The following TBC1D8 variants were observed in gnomAD, a reference collection of about 807,000 sequenced individuals.
The protein encoded by TBC1D8 is BUB2-like protein 1.
Under a neutral mutation model 118.8 loss-of-function variants are expected in TBC1D8, and 65 were observed. That is an observed-to-expected ratio of 0.55 (90% CI 0.45 to 0.67). The LOEUF is 0.67. TBC1D8 is among the 30% of genes least tolerant of loss of function. The pLI, the probability that TBC1D8 is intolerant of heterozygous loss-of-function variation, is 0.00. For synonymous variants in TBC1D8, 566 were observed against 595.8 expected (o/e 0.95, Z 0.73); for missense variants, 1,376 against 1,471.2 (o/e 0.94, Z 1.06).
intron 1 of TBC1D8, among the ~76,000 whole-genome samples, chr2:101,106,038 TA>T (rs201148565): frequency 5.9e-4 from 86 of 145,716 alleles, no homozygotes; most frequent in Admixed American, 1.2e-3. Flanking sequence ...TTCTGTGATT[TA>T]AAAAAAAAAA....
chr2:101,100,868 C>T (rs1023862928), intron 1 of TBC1D8, among the ~76,000 whole-genome samples: 5 of 152,176 alleles, frequency 3.3e-5, no homozygotes, highest in African/African-American at 1.2e-4. Context: ...CCCTTCCTTA[C>T]ACCTTATAGA....
intron 1 of TBC1D8, among the ~76,000 whole-genome samples, chr2:101,142,812 T>C (rs1343550528): frequency 1.3e-5 from 2 of 152,100 alleles, no homozygotes; most frequent in Non-Finnish European, 2.9e-5. Flanking sequence ...TAGTGGTGCC[T>C]GCAAGGAAGG....
At position 101,020,324 on chromosome 2, in the gene TBC1D8, AGATGAT is replaced by A. The variant is rs10553891; in HGVS notation, c.2827+1351_2827+1356del. Among the ~76,000 whole-genome samples, 484 of 151,862 alleles carry A rather than the reference AGATGAT, an allele frequency of 3.2e-3. 6 individuals are homozygous for A. The highest frequency in any genetic ancestry group is 0.011 in the African/African-American group (463 of 41,416). On this transcript the variant is annotated intron_variant, in intron 17 of 19. Coordinates refer to ENST00000409318, the MANE Select transcript of TBC1D8 (RefSeq NM_001330348.2). ...GATATAGATAATGACAACTATGGAAAGATGATGATGATGATGATGATATGATGAAGA... is the reference window on the plus strand; with the variant it reads ...GATATAGATAATGACAACTATGGAAAGATGATGATGATGATATGATGAAGA...
intron 2 of TBC1D8, among the ~76,000 whole-genome samples, chr2:101,071,164 T>C (rs6543011): frequency 0.78 from 117,756 of 151,750 alleles, 46,526 homozygotes; most frequent in Middle Eastern, 0.93. Context: ...ACGGTGAAAC[T>C]CCGTCTCTAC....
intron 1 of TBC1D8, among the ~76,000 whole-genome samples, chr2:101,093,908 G>A (rs62155199): frequency 0.15 from 22,882 of 152,002 alleles, 1,881 homozygotes; most frequent in Middle Eastern, 0.25. Context: ...TGTCAGTCAC[G>A]CTGGTCTTGA....
chr2:101,092,942 T>C (rs562958606), intron 1 of TBC1D8, among the ~76,000 whole-genome samples: 46 of 152,154 alleles, frequency 3.0e-4, no homozygotes, highest in Non-Finnish European at 5.9e-4. Context: ...GGGTTTGAAC[T>C]GTATGGGTCC....
chr2:101,097,525 T>C (rs1395149398), intron 1 of TBC1D8, among the ~76,000 whole-genome samples: 1 of 150,988 alleles, frequency 6.6e-6, no homozygotes, highest in Non-Finnish European at 1.5e-5. Context: ...GTCATAAAAA[T>C]GGCAGAGAAG....
intron 2 of TBC1D8, among the ~76,000 whole-genome samples, chr2:101,062,389 C>G (rs1485884415): frequency 6.6e-6 from 1 of 151,742 alleles, no homozygotes; most frequent in Admixed American, 6.6e-5. Context: ...TTCATGGACT[C>G]ATTGATCCAG....
In TBC1D8 at chr2:101,007,551, ACAG is replaced by A. The variant is rs1678819036; in HGVS notation, c.*267_*269del. On this transcript the variant is annotated 3_prime_UTR_variant, in exon 20 of 20. Transcript: ENST00000409318. The stretch of plus-strand genomic sequence containing the variant: ...TGAGAGCAAAATCAACACTAGCATC[ACAG>A]CAGAAGTGCCCATTTCAGCAAATCC... 2 of 432,408 alleles carry A rather than the reference ACAG, an allele frequency of 4.6e-6. No individual in the cohort carries two copies. The highest frequency in any genetic ancestry group is 8.3e-6 in the Non-Finnish European group (2 of 240,588). 26.8% of individuals were successfully genotyped at this position (432,408 alleles called of 1,614,324 possible).
At chr2:101,141,528 C>G (rs1160510241) in intron 1 of TBC1D8, among the ~76,000 whole-genome samples, 1 of 152,154 alleles carries the variant, frequency 6.6e-6, no homozygotes, top group Non-Finnish European at 1.5e-5. Context: ...ACTGACATCT[C>G]AGGATTTCCC....
chr2:101,082,804 G>T (rs1675351615), intron 2 of TBC1D8, among the ~76,000 whole-genome samples: 2 of 152,236 alleles, frequency 1.3e-5, no homozygotes, highest in Non-Finnish European at 2.9e-5. Flanking sequence ...TCTTTAACAG[G>T]TAGAGTTTCA....
At position 101,033,891 on chromosome 2, in the gene TBC1D8, C is replaced by T. The variant is rs867255646; in HGVS notation, c.1604-133G>A. ...TGAGGGACAAAATATTGGCCGGGTGCGGTGGCTCACGCCTGTAATCCCAGC... is the reference window on the plus strand; with the variant it reads ...TGAGGGACAAAATATTGGCCGGGTGTGGTGGCTCACGCCTGTAATCCCAGC... On this transcript the variant is annotated intron_variant, in intron 9 of 19. Transcript: ENST00000409318. The T allele has an allele frequency of 2.6e-5, 27 of 1,046,188 alleles. No individual in the cohort carries two copies. The Middle Eastern group carries it at 6.9e-4, about 27-fold the overall frequency. 64.8% of individuals were successfully genotyped at this position (1,046,188 alleles called of 1,614,324 possible). A position where few individuals can be genotyped will look rare whatever the true frequency, so the allele number is the denominator to read the frequency against.
At position 101,018,994 on chromosome 2, in the gene TBC1D8, C is replaced by T. The variant is rs547495886; in HGVS notation, c.2827+2687G>A. 1.9e-6 allele frequency: 3 copies of T among 1,611,948 alleles called. No homozygotes were observed. The South Asian group carries it at 3.3e-5, about 18-fold the overall frequency. On this transcript the variant is annotated intron_variant, in intron 17 of 19. Coordinates refer to ENST00000409318, the MANE Select transcript of TBC1D8 (RefSeq NM_001330348.2). ...CCAAATCATCTGTAATATTTCTGTG[C>T]TAGTTTCTGTGCTAAACAGTGTTAC...
intron 15 of TBC1D8, chr2:101,023,624 GTT>G: frequency 5.0e-6 from 2 of 399,672 alleles, no homozygotes; most frequent in Non-Finnish European, 1.0e-5. Context: ...TTTTTTTTAA[GTT>G]TTTTTTTTAA....
intron 15 of TBC1D8, among the ~76,000 whole-genome samples, chr2:101,024,653 C>A (rs939421346): frequency 6.6e-6 from 1 of 152,074 alleles, no homozygotes; most frequent in Admixed American, 6.6e-5. Flanking sequence ...GTGATCCACC[C>A]GCACTGGCCT....
intron 5 of TBC1D8, among the ~76,000 whole-genome samples, chr2:101,046,982 G>A (rs781333262): frequency 2.0e-5 from 3 of 152,120 alleles, no homozygotes; most frequent in South Asian, 2.1e-4. Context: ...AAAAACAGCC[G>A]AATACACTTT....
At chr2:101,094,508 T>C (rs557355029) in intron 1 of TBC1D8, among the ~76,000 whole-genome samples, 23 of 152,214 alleles carry the variant, frequency 1.5e-4, no homozygotes, top group Admixed American at 2.6e-4. Flanking sequence ...TTAAGAGATC[T>C]GCTGTAGAAC....
chr2:101,101,770 T>C (rs1394407210), intron 1 of TBC1D8, among the ~76,000 whole-genome samples: 1 of 152,116 alleles, frequency 6.6e-6, no homozygotes, highest in African/African-American at 2.4e-5. Flanking sequence ...CTGGAAGCCA[T>C]GATCCTCAGC....
At chr2:101,123,309 A>C (rs949359360) in intron 1 of TBC1D8, among the ~76,000 whole-genome samples, 3 of 152,068 alleles carry the variant, frequency 2.0e-5, no homozygotes, top group African/African-American at 7.2e-5. Context: ...GCTCCTTCCC[A>C]ATGTGGATGC....
Sources: allele counts gnomAD v4.1 joint callset (sites outside exome capture counted in the v4.1 genomes callset), GRCh38; gene constraint gnomAD v4.1.1; transcripts MANE v1.5; gene names NCBI Gene and HGNC (gene_info 2026-07-23, HGNC 2026-07-21).